PSD3: variants seen among roughly 807,000 people sequenced by gnomAD.
The protein encoded by PSD3 is PH and SEC7 domain-containing protein 3.
Under a neutral mutation model 105.5 loss-of-function variants are expected in PSD3, and 49 were observed. That is an observed-to-expected ratio of 0.46 (90% confidence interval 0.37 to 0.59). The LOEUF (loss-of-function observed/expected upper bound fraction) is 0.59. Among genes scored for constraint, PSD3 ranks in the 20% least tolerant of loss-of-function variants. The pLI is 0.00. For missense variants in PSD3, 1,561 were observed against 1,263.8 expected, an observed-to-expected ratio of 1.24 and a Z score of -3.57; for synonymous variants, 557 against 457.8, an observed-to-expected ratio of 1.22 and a Z score of -2.77.
At chr8:18,609,570 T>A (rs1449988882) in intron 11 of PSD3, among the ~76,000 whole-genome samples, 2 of 152,206 alleles carry the variant, frequency 1.3e-5, no homozygotes, top group South Asian at 2.1e-4. Context: ...ACTTAAAGTA[T>A]CTTTAAAACA....
At chr8:18,725,566 T>C (rs1347875864) in intron 9 of PSD3, among the ~76,000 whole-genome samples, 3 of 152,148 alleles carry the variant, frequency 2.0e-5, no homozygotes, top group South Asian at 4.1e-4. Flanking sequence ...TCCCCTCTTT[T>C]GAGAGACGGG....
intron 2 of PSD3, among the ~76,000 whole-genome samples, chr8:18,935,398 G>A (rs144382953): frequency 0.04 from 6,111 of 152,038 alleles, 178 homozygotes; most frequent in South Asian, 0.064. Flanking sequence ...ACCAAGGGCT[G>A]GGCACAGTGG....
At chr8:18,634,605 C>T (rs1408111233) in intron 10 of PSD3, among the ~76,000 whole-genome samples, 1 of 152,094 alleles carries the variant, frequency 6.6e-6, no homozygotes, top group Non-Finnish European at 1.5e-5. Flanking sequence ...CAGTCTGTAA[C>T]AGTTCCTCAG....
intron 9 of PSD3, among the ~76,000 whole-genome samples, chr8:18,717,665 T>C (rs1452098733): frequency 6.6e-6 from 1 of 152,212 alleles, no homozygotes; most frequent in Non-Finnish European, 1.5e-5. Flanking sequence ...ATACTGGCTT[T>C]GATGAAGGGT....
At chr8:18,819,549 T>C (rs1000004579) in intron 4 of PSD3, among the ~76,000 whole-genome samples, 4 of 151,542 alleles carry the variant, frequency 2.6e-5, no homozygotes, top group Non-Finnish European at 5.9e-5. Flanking sequence ...TTTTTAAATA[T>C]TTCAAATTCT....
At chr8:18,723,417 T>C (rs1000366506) in intron 9 of PSD3, among the ~76,000 whole-genome samples, 1 of 152,246 alleles carries the variant, frequency 6.6e-6, no homozygotes, top group Non-Finnish European at 1.5e-5. Flanking sequence ...TTTCTCATTT[T>C]ATAGAAAGTC....
rs535200477 is a variant in PSD3 at position 18,855,834 on chromosome 8, T to C, written c.1634+11840A>G. Reference sequence around the variant, plus strand: ...GCATAAAGAGGAGAGGAGTTTGCAATTCATCTGAAATACTTTTATTTCCTA... The same window carrying C: ...GCATAAAGAGGAGAGGAGTTTGCAACTCATCTGAAATACTTTTATTTCCTA... On this transcript the variant is annotated intron_variant, in intron 4 of 15. Coordinates refer to ENST00000327040, the MANE Select transcript of PSD3 (RefSeq NM_015310.4). Among the ~76,000 whole-genome samples the C allele has an allele frequency of 4.6e-5, 7 of 152,322 alleles. 1 individual carries two copies. The South Asian group carries it at 1.5e-3, about 32-fold the overall frequency.
At chr8:18,861,778 A>G (rs1036961636) in intron 4 of PSD3, among the ~76,000 whole-genome samples, 1 of 152,152 alleles carries the variant, frequency 6.6e-6, no homozygotes, top group Non-Finnish European at 1.5e-5. Flanking sequence ...AATATCCACA[A>G]ATTAGAACTT....
intron 12 of PSD3, among the ~76,000 whole-genome samples, chr8:18,588,287 C>G (rs1803343314): frequency 6.6e-6 from 1 of 152,122 alleles, no homozygotes; most frequent in Admixed American, 6.5e-5. Flanking sequence ...ACCACACAAT[C>G]AGGTAGATAT....
At chr8:18,571,504 T>A (rs1317411845) in intron 14 of PSD3, among the ~76,000 whole-genome samples, 1 of 152,156 alleles carries the variant, frequency 6.6e-6, no homozygotes, top group Non-Finnish European at 1.5e-5. Context: ...CCTCCACAGC[T>A]CTCTGGACTT....
intron 8 of PSD3, among the ~76,000 whole-genome samples, chr8:18,789,148 A>T (rs1236179437): frequency 6.6e-6 from 1 of 152,222 alleles, no homozygotes; most frequent in Non-Finnish European, 1.5e-5. Flanking sequence ...TAAAAATAGT[A>T]CCACAGCACA....
At chr8:18,834,976 A>G (rs553232274) in intron 4 of PSD3, among the ~76,000 whole-genome samples, 2 of 152,348 alleles carry the variant, frequency 1.3e-5, no homozygotes, top group Non-Finnish European at 2.9e-5. Context: ...ATGTGGAAAT[A>G]AAGCTCATCC....
intron 9 of PSD3, among the ~76,000 whole-genome samples, chr8:18,681,827 C>T (rs1330253251): frequency 6.6e-6 from 1 of 151,940 alleles, no homozygotes; most frequent in East Asian, 1.9e-4. Flanking sequence ...ATATTGGGAG[C>T]TTGGCTATAT....
intron 10 of PSD3, among the ~76,000 whole-genome samples, chr8:18,650,254 C>A (rs1808376646): frequency 6.6e-6 from 1 of 152,164 alleles, no homozygotes; most frequent in Non-Finnish European, 1.5e-5. Flanking sequence ...TATAAACTCC[C>A]ATATCCACCT....
chr8:19,075,444 C>T (rs1433309863), intron 1 of PSD3, among the ~76,000 whole-genome samples: 1 of 152,232 alleles, frequency 6.6e-6, no homozygotes, highest in Admixed American at 6.5e-5. Flanking sequence ...GACCAATTCA[C>T]TGCATGTATG....
chr8:18,547,384 T>C (rs1397975104), intron 15 of PSD3, among the ~76,000 whole-genome samples: 3 of 152,194 alleles, frequency 2.0e-5, no homozygotes, highest in African/African-American at 7.2e-5. Flanking sequence ...TATACTCTTG[T>C]AGTAAGAACT....
chr8:18,842,576 A>T (rs1814719192), intron 4 of PSD3, among the ~76,000 whole-genome samples: 2 of 152,098 alleles, frequency 1.3e-5, no homozygotes, highest in South Asian at 4.1e-4. Context: ...TACTAAAAAT[A>T]CAAAAAATTA....
At chr8:18,832,488 A>C (rs1366280433) in intron 4 of PSD3, among the ~76,000 whole-genome samples, 1 of 152,204 alleles carries the variant, frequency 6.6e-6, no homozygotes, top group East Asian at 1.9e-4. Flanking sequence ...TACTTCTGCC[A>C]ACCAGTACAG....
At chr8:19,080,954 C>A (rs1014647636) in intron 1 of PSD3, among the ~76,000 whole-genome samples, 2 of 152,114 alleles carry the variant, frequency 1.3e-5, no homozygotes, top group African/African-American at 2.4e-5. Flanking sequence ...TGTCCCGAAA[C>A]GATGATAGAG....
Sources: allele counts gnomAD v4.1 joint callset (sites outside exome capture counted in the v4.1 genomes callset), GRCh38; gene constraint gnomAD v4.1.1; transcripts MANE v1.5; gene names NCBI Gene and HGNC (gene_info 2026-07-23, HGNC 2026-07-21).